Variants in FAM168B observed in about 807,000 individuals in gnomAD.
FAM168B encodes family with sequence similarity 168 member B, also known as myelin-associated neurite-outgrowth inhibitor.
FAM168B carries 19 observed loss-of-function variants against 21.8 expected under a neutral mutation model. The observed-to-expected ratio is 0.87, with a 90% CI of 0.61 to 1.28. The LOEUF is 1.28. FAM168B is among the 50% of genes most tolerant of loss of function. The pLI is 0.00. For synonymous variants in FAM168B, 126 were observed against 104.8 expected (o/e 1.20, Z -1.24); for missense variants, 233 against 263.1 (o/e 0.89, Z 0.79).
intron 2 of FAM168B, among the ~76,000 whole-genome samples, chr2:131,072,417 C>T (rs1017023054): frequency 3.3e-5 from 5 of 152,070 alleles, no homozygotes; most frequent in Admixed American, 2.0e-4. Flanking sequence ...AGCCACCACG[C>T]CTGGCTTTCC....
At chr2:131,070,056 A>G (rs1692795820) in intron 3 of FAM168B, among the ~76,000 whole-genome samples, 1 of 150,628 alleles carries the variant, frequency 6.6e-6, no homozygotes, top group African/African-American at 2.4e-5. Flanking sequence ...ACGGGGTTTC[A>G]CCACGTTGGC....
intron 3 of FAM168B, among the ~76,000 whole-genome samples, chr2:131,062,638 G>C (rs1692361606): frequency 1.3e-5 from 2 of 152,260 alleles, no homozygotes; most frequent in South Asian, 4.1e-4. Context: ...AGTAGAGACT[G>C]GATTCACCTA....
At chr2:131,067,749 C>T (rs1426599236) in intron 3 of FAM168B, among the ~76,000 whole-genome samples, 1 of 151,918 alleles carries the variant, frequency 6.6e-6, no homozygotes, top group Non-Finnish European at 1.5e-5. Context: ...ACATACACAC[C>T]CACCTCCACA....
At position 131,050,287 on chromosome 2, in the gene FAM168B, T is replaced by C; in HGVS notation, c.*2178A>G. The C allele has an allele frequency of 1.0e-6, 1 of 985,444 alleles. No homozygotes were observed. The highest frequency in any genetic ancestry group is 1.2e-6 in the Non-Finnish European group (1 of 829,928). The allele number at this position is 985,444 out of a possible 1,614,324, so 61.0% of individuals were successfully genotyped here. ...ATGTTTCCATTTTGTTGTGTGGGGC[T>C]TTTTAAAAGCATACACTAACATTGT... On this transcript the variant is annotated 3_prime_UTR_variant, in exon 7 of 7. Coordinates refer to ENST00000389915, the MANE Select transcript of FAM168B (RefSeq NM_001009993.4).
intron 1 of FAM168B, among the ~76,000 whole-genome samples, chr2:131,083,700 G>C (rs554165110): frequency 6.6e-5 from 10 of 152,180 alleles, no homozygotes; most frequent in Non-Finnish European, 1.5e-4. Flanking sequence ...AAACAAAGTA[G>C]AGTATTATAC....
intron 3 of FAM168B, among the ~76,000 whole-genome samples, chr2:131,063,900 T>A (rs529533000): frequency 3.3e-5 from 5 of 152,050 alleles, no homozygotes; most frequent in South Asian, 2.1e-4. Flanking sequence ...GTCCACCATA[T>A]CCCTCCATAG....
intron 3 of FAM168B, among the ~76,000 whole-genome samples, chr2:131,067,046 T>C (rs1262470652): frequency 6.6e-6 from 1 of 152,108 alleles, no homozygotes; most frequent in Non-Finnish European, 1.5e-5. Flanking sequence ...TTATTCACTA[T>C]CATGGGAACA....
intron 1 of FAM168B, among the ~76,000 whole-genome samples, chr2:131,092,139 G>T (rs1217242205): frequency 6.8e-6 from 1 of 147,184 alleles, no homozygotes. Flanking sequence ...GGGAGACTCC[G>T]TCTCAAAAAA....
chr2:131,092,366 C>CTTT (rs10636202), intron 1 of FAM168B, among the ~76,000 whole-genome samples: 4,128 of 152,286 alleles, frequency 0.027, 179 homozygotes, highest in African/African-American at 0.092. Context: ...CCCACTCCTT[C>CTTT]ATCTACAAGA....
intron 3 of FAM168B, among the ~76,000 whole-genome samples, chr2:131,058,020 C>T (rs1380065120): frequency 3.9e-5 from 6 of 152,010 alleles, no homozygotes; most frequent in Non-Finnish European, 8.8e-5. Flanking sequence ...TTAGTATAGA[C>T]GGGATTTTGC....
chr2:131,052,387 G>A lies in FAM168B; in HGVS notation c.*78C>T. On this transcript the variant is annotated 3_prime_UTR_variant, in exon 7 of 7. Transcript: ENST00000389915. ...ATTAAGAAGAAAGTCCTGGTTGGAGGCGCAAGGCCTGCAGCACCAGCTGTG... is the reference window on the plus strand; with the variant it reads ...ATTAAGAAGAAAGTCCTGGTTGGAGACGCAAGGCCTGCAGCACCAGCTGTG... The A allele has an allele frequency of 2.0e-6, 2 of 986,852 alleles. No homozygotes were observed. The highest frequency in any genetic ancestry group is 1.2e-6 in the Non-Finnish European group (1 of 830,534). The allele number at this position is 986,852 out of a possible 1,614,324, so 61.1% of individuals were successfully genotyped here.
At chr2:131,075,324 T>TAC (rs1693089138) in intron 2 of FAM168B, among the ~76,000 whole-genome samples, 1 of 151,940 alleles carries the variant, frequency 6.6e-6, no homozygotes, top group African/African-American at 2.4e-5. Context: ...TCATATCCTG[T>TAC]AGGCCTCTGC....
intron 3 of FAM168B, among the ~76,000 whole-genome samples, chr2:131,056,603 G>A (rs762368705): frequency 1.3e-5 from 2 of 152,206 alleles, no homozygotes; most frequent in Non-Finnish European, 2.9e-5. Context: ...GGTCTCAGGG[G>A]AGGGAGAGGG....
At position 131,086,832 on chromosome 2, in the gene FAM168B, G is replaced by C. The variant is rs368277571; in HGVS notation, c.-11-4175C>G. On this transcript the variant is annotated intron_variant, in intron 1 of 6. Coordinates refer to ENST00000389915, the MANE Select transcript of FAM168B (RefSeq NM_001009993.4). ...TGTAATCCCAGCACTTTGGGAGGCC[G>C]AGGCGGGCGGATCACGAGGTCAGGA... 1.1e-4 allele frequency among the ~76,000 whole-genome samples: 11 copies of C among 102,998 alleles called. 3 individuals carry two copies. The East Asian group carries it at 1.9e-3, about 18-fold the overall frequency. The allele number at this position is 102,998 out of a possible 152,430, so 67.6% of individuals were successfully genotyped here. A position where few individuals can be genotyped will look rare whatever the true frequency, so the allele number is the denominator to read the frequency against.
chr2:131,055,821 C>A, intron 3 of FAM168B, 126 bp from the exon 4 acceptor site: 1 of 1,105,314 alleles, frequency 9.0e-7, no homozygotes, highest in South Asian at 1.6e-5. Context: ...CTGCCACTGC[C>A]GCCCCCACTC....
chr2:131,092,129 G>C (rs934152623), intron 1 of FAM168B, among the ~76,000 whole-genome samples: 1 of 151,306 alleles, frequency 6.6e-6, no homozygotes. Context: ...GGGAAACAGA[G>C]GGAGACTCCG....
At position 131,049,831 on chromosome 2, in the gene FAM168B, G is replaced by GT. The variant is rs1558925127; in HGVS notation, c.*2633dup. 1 of 985,848 alleles carries GT rather than the reference G, an allele frequency of 1.0e-6. No homozygotes were observed. The highest frequency in any genetic ancestry group is 1.1e-4 in the East Asian group (1 of 8,818). 61.1% of individuals were successfully genotyped at this position (985,848 alleles called of 1,614,324 possible). A position where few individuals can be genotyped will look rare whatever the true frequency, so the allele number is the denominator to read the frequency against. On this transcript the variant is annotated 3_prime_UTR_variant, in exon 7 of 7. Coordinates refer to ENST00000389915, the MANE Select transcript of FAM168B (RefSeq NM_001009993.4). Reference sequence around the variant, plus strand: ...GCTTCGGGACAAATTATGAAGCTTTGTAACAGAATTTTGACCCAAGTTCTA... The same window carrying GT: ...GCTTCGGGACAAATTATGAAGCTTTGTTAACAGAATTTTGACCCAAGTTCTA...
In FAM168B at chr2:131,052,360, G is replaced by A; in HGVS notation, c.*105C>T. ...AGTCGTGTTTAGCTAAGTGTCGAGAGCATTAAGAAGAAAGTCCTGGTTGGA... is the reference window on the plus strand; with the variant it reads ...AGTCGTGTTTAGCTAAGTGTCGAGAACATTAAGAAGAAAGTCCTGGTTGGA... On this transcript the variant is annotated 3_prime_UTR_variant, in exon 7 of 7. Transcript: ENST00000389915. The A allele has an allele frequency of 1.0e-6, 1 of 986,480 alleles. No homozygotes were observed. The allele number at this position is 986,480 out of a possible 1,614,324, so 61.1% of individuals were successfully genotyped here.
chr2:131,068,742 A>G (rs75114199), intron 3 of FAM168B, among the ~76,000 whole-genome samples: 96 of 152,336 alleles, frequency 6.3e-4, no homozygotes, highest in East Asian at 5.4e-3. Context: ...CAAGCTGGGC[A>G]TGGTAGCTCA....
Sources: gnomAD v4.1 joint callset for allele counts (sites outside exome capture counted in the v4.1 genomes callset) on GRCh38, gnomAD v4.1.1 for gene constraint, MANE v1.5 for transcripts, NCBI Gene and HGNC (gene_info 2026-07-23, HGNC 2026-07-21) for gene names.